The following AMZ1 variants were observed in gnomAD, a reference collection of about 807,000 sequenced individuals.
AMZ1 encodes the protein archaelysin family metallopeptidase 1, also known as archaemetzincin-1.
Under a neutral mutation model 29.9 loss-of-function variants are expected in AMZ1, and 39 were observed. The observed-to-expected ratio is 1.30, with a 90% confidence interval of 1.01 to 1.70. AMZ1 has a LOEUF of 1.70. AMZ1 is among the 40% of genes most tolerant of loss of function. AMZ1 has a pLI of 0.00. For missense variants in AMZ1, 1,041 were observed against 680.6 expected, an observed-to-expected ratio of 1.53 and a Z score of -5.89; for synonymous variants, 458 against 304.0, an observed-to-expected ratio of 1.51 and a Z score of -5.27.
Position 2,713,702 on chromosome 7 carries a change from G to C in AMZ1, c.*824G>C, listed in dbSNP as rs950450080. Reference sequence around the variant, plus strand: ...CATCCTGATCCTGACGGACTTCACCGGGGCTCTCCAGGCATCTCTTCTGAC... The same window carrying C: ...CATCCTGATCCTGACGGACTTCACCCGGGCTCTCCAGGCATCTCTTCTGAC... On this transcript the variant is annotated 3_prime_UTR_variant, in exon 7 of 7. Coordinates refer to ENST00000683327, the MANE Select transcript of AMZ1 (RefSeq NM_001384743.1). 1 of 152,530 alleles carries C rather than the reference G, an allele frequency of 6.6e-6. No individual in the cohort carries two copies. Among genetic ancestry groups the C allele is most frequent in the Non-Finnish European group, 1.5e-5 (1 of 68,200 alleles). The allele number at this position is 152,530 out of a possible 1,614,324, so 9.4% of individuals were successfully genotyped here.
chr7:2,721,784 G>C (rs1052374081), downstream of AMZ1, among the ~76,000 whole-genome samples: 1 of 151,842 alleles, frequency 6.6e-6, no homozygotes, highest in African/African-American at 2.4e-5. Context: ...CAGCAGTGGC[G>C]GGGGAGGCAG....
At chr7:2,705,707 C>T (rs1011898876) in intron 3 of AMZ1, among the ~76,000 whole-genome samples, 1 of 152,194 alleles carries the variant, frequency 6.6e-6, no homozygotes, top group Non-Finnish European at 1.5e-5. Flanking sequence ...GGGGTGCCAT[C>T]CCCTGGGTGG....
At chr7:2,751,309 T>G (rs1243786332) in intron 4 of AMZ1, among the ~76,000 whole-genome samples, 6 of 150,628 alleles carry the variant, frequency 4.0e-5, no homozygotes, top group African/African-American at 1.5e-4. Flanking sequence ...GAGGATCACT[T>G]CAACCCAGAA....
intron 4 of AMZ1, among the ~76,000 whole-genome samples, chr7:2,743,839 C>G (rs2115337278): frequency 6.6e-6 from 1 of 152,158 alleles, no homozygotes; most frequent in South Asian, 2.1e-4. Flanking sequence ...CTGCACTTTC[C>G]CAACAGGCTT....
downstream of AMZ1, among the ~76,000 whole-genome samples, chr7:2,720,179 C>T (rs1042712496): frequency 8.5e-5 from 13 of 152,242 alleles, no homozygotes; most frequent in East Asian, 1.9e-4. Flanking sequence ...CTCTGAGACT[C>T]GGCTCCTCTG....
chr7:2,712,513 G>C lies in AMZ1; in HGVS notation c.1132G>C (p.Ala378Pro). 3.1e-6 allele frequency: 5 copies of C among 1,608,268 alleles called. No individual in the cohort carries two copies. The highest frequency in any genetic ancestry group is 4.2e-6 in the Non-Finnish European group (5 of 1,177,748). ...LTPDAGSHTF[A>P]SGPEEGLSYL... is the part of the protein sequence containing the mutation. ...CCCTGATGCCGGGAGTCACACCTTCGCCTCGGGGCCAGAGGAAGGGCTGAG... is the reference window on the plus strand; with the variant it reads ...CCCTGATGCCGGGAGTCACACCTTCCCCTCGGGGCCAGAGGAAGGGCTGAG... The change falls in exon 7 of 7, where the codon GCC (alanine) becomes CCC (proline). Residue 378 changes from alanine to proline, a missense_variant. Transcript: ENST00000683327.
At position 2,731,106 on chromosome 7, in the gene AMZ1, G is replaced by T; in HGVS notation, n.550+21290G>T. 1 of 1,004,548 alleles carries T rather than the reference G, an allele frequency of 1.0e-6. No individual in the cohort carries two copies. The highest frequency in any genetic ancestry group is 1.5e-5 in the South Asian group (1 of 68,948). The allele number at this position is 1,004,548 out of a possible 1,614,324, so 62.2% of individuals were successfully genotyped here. ...GAGAAACCCACTCAAGGACCACACA[G>T]ACAACACACACCCAAGAGTCTGACC... On this transcript the variant is annotated intron_variant and non_coding_transcript_variant, in intron 4 of 4. Coordinates refer to the AMZ1 transcript ENST00000489665. This position sits in a 1 kb window ranked among gnomAD's most constrained non-coding sequence, Gnocchi z 6.0.
intron 4 of AMZ1, among the ~76,000 whole-genome samples, chr7:2,726,517 G>C (rs969794552): frequency 6.6e-6 from 1 of 152,218 alleles, no homozygotes; most frequent in African/African-American, 2.4e-5. Context: ...AGGGCAGAGA[G>C]CCACTACATC....
At chr7:2,708,931 C>G in intron 4 of AMZ1, 144 bp from the exon 5 acceptor site, 2 of 1,277,664 alleles carry the variant, frequency 1.6e-6, no homozygotes, top group South Asian at 1.5e-5. Context: ...GGCCCAACTT[C>G]ATGTGGGCAG....
At chr7:2,721,283 T>C (rs1789409586), downstream of AMZ1, among the ~76,000 whole-genome samples, 1 of 152,310 alleles carries the variant, frequency 6.6e-6, no homozygotes, top group South Asian at 2.1e-4. Flanking sequence ...CTCACTCTCC[T>C]GCCGCGCACC....
chr7:2,750,941 T>G (rs1390555516), intron 4 of AMZ1, among the ~76,000 whole-genome samples: 1 of 152,186 alleles, frequency 6.6e-6, no homozygotes, highest in Non-Finnish European at 1.5e-5. Context: ...ATATGCACAC[T>G]CCAGGAGTGG....
At chr7:2,746,379 C>G (rs900234212) in intron 4 of AMZ1, among the ~76,000 whole-genome samples, 1 of 152,176 alleles carries the variant, frequency 6.6e-6, no homozygotes, top group African/African-American at 2.4e-5. Flanking sequence ...CAAAACCGCT[C>G]AACTACATGG....
At chr7:2,699,185 G>T (rs961003827) in intron 1 of AMZ1, among the ~76,000 whole-genome samples, 1 of 152,134 alleles carries the variant, frequency 6.6e-6, no homozygotes, top group Non-Finnish European at 1.5e-5. Flanking sequence ...GCCCTGGCAG[G>T]TCTCACAGTC....
upstream of AMZ1, chr7:2,762,695 G>T (rs554278462): frequency 2.5e-6 from 4 of 1,575,824 alleles, no homozygotes; most frequent in African/African-American, 5.4e-5. Flanking sequence ...CACGCTGCCC[G>T]GGTGGAGGAG....
chr7:2,759,181 AAATAAAT>A (rs1416395070), intron 4 of AMZ1, among the ~76,000 whole-genome samples: 46 of 147,688 alleles, frequency 3.1e-4, no homozygotes, highest in East Asian at 5.8e-4. Context: ...ATAAATAAAT[AAATAAAT>A]AAAATAAAAA....
In AMZ1 at chr7:2,712,365, G is replaced by A. The variant is rs145367084; in HGVS notation, c.984G>A (p.Thr328=). The A allele has an allele frequency of 7.4e-5, 119 of 1,602,848 alleles. 1 individual carries two copies. Among genetic ancestry groups the A allele is most frequent in the East Asian group, 2.7e-4 (12 of 44,816 alleles). The change falls in exon 7 of 7, where the codon ACG becomes ACA. Residue 328 remains threonine, a synonymous_variant. Coordinates refer to ENST00000683327, the MANE Select transcript of AMZ1 (RefSeq NM_001384743.1). Reference sequence around the variant, plus strand: ...CCTGGACTCAGGCGGTGGTGGGGACGTGGCCCAGCCAGGAGGCGGGGGAGC... The same window carrying A: ...CCTGGACTCAGGCGGTGGTGGGGACATGGCCCAGCCAGGAGGCGGGGGAGC... ...LYTWTQAVVG[T]WPSQEAGEPS...
intron 1 of AMZ1, among the ~76,000 whole-genome samples, chr7:2,694,029 G>A (rs1172127466): frequency 6.6e-6 from 1 of 152,228 alleles, no homozygotes; most frequent in Non-Finnish European, 1.5e-5. Flanking sequence ...CACCCAGGAA[G>A]CCCTTGGCAG....
chr7:2,762,648 G>T (rs781764494), upstream of AMZ1: 56 of 1,597,668 alleles, frequency 3.5e-5, no homozygotes, highest in Non-Finnish European at 4.5e-5. Flanking sequence ...GCACAGAGCG[G>T]CAGGACGATG....
rs112527042 is a variant in AMZ1 at position 2,716,850 on chromosome 7, C to G, written c.*3972C>G. On this transcript the variant is annotated 3_prime_UTR_variant, in exon 7 of 7. Transcript: ENST00000683327. ...TGTAAGGCAGATGGCTGCATCCCCA[C>G]CATATGGCTGTGGCTGTCGAGATGG... Among the ~76,000 whole-genome samples the G allele has an allele frequency of 3.9e-5, 6 of 152,236 alleles. No homozygotes were observed. The highest frequency in any genetic ancestry group is 1.2e-4 in the African/African-American group (5 of 41,468).
Sources: allele counts gnomAD v4.1 joint callset (sites outside exome capture counted in the v4.1 genomes callset), GRCh38; gene constraint gnomAD v4.1.1; non-coding constraint Gnocchi (gnomAD v3.1); transcripts MANE v1.5; gene names NCBI Gene and HGNC (gene_info 2026-07-23, HGNC 2026-07-21).